LRRC4B: variants seen among roughly 807,000 people sequenced by gnomAD.
LRRC4B encodes the protein leucine-rich repeat-containing protein 4B.
A neutral mutation model predicts 7.3 loss-of-function variants in LRRC4B; 1 was observed. The ratio of observed to expected loss-of-function variants is 0.14; its 90% CI spans 0.05 to 0.65. The LOEUF (loss-of-function observed/expected upper bound fraction) is 0.65, where lower values mean the gene tolerates loss of function less well. Among genes scored for constraint, LRRC4B ranks in the 30% least tolerant of loss-of-function variants. The pLI, the probability that LRRC4B is intolerant of heterozygous loss-of-function variation, is 0.84. For missense variants in LRRC4B, 730 were observed against 1,041.6 expected (o/e 0.70, Z 4.12); for synonymous variants, 500 against 499.2 (o/e 1.00, Z -0.02).
intron 2 of LRRC4B, among the ~76,000 whole-genome samples, chr19:50,527,239 A>G (rs1375153785): frequency 1.3e-5 from 2 of 150,000 alleles, no homozygotes; most frequent in East Asian, 4.0e-4. Context: ...TCACTGTGTT[A>G]GCCAGGACGG....
At chr19:50,558,659 G>T (rs8100164) in intron 1 of LRRC4B, among the ~76,000 whole-genome samples, 33,207 of 152,266 alleles carry the variant, frequency 0.22, 4,386 homozygotes, top group Admixed American at 0.37. Context: ...ATGTCGAGAA[G>T]GAGCAGGGAC....
At chr19:50,550,978 C>A (rs997885389) in intron 1 of LRRC4B, 1 of 152,216 alleles carries the variant, frequency 6.6e-6, no homozygotes, top group Non-Finnish European at 1.5e-5. Flanking sequence ...CCCCGCAGGG[C>A]CTGTGGGAGC....
intron 1 of LRRC4B, among the ~76,000 whole-genome samples, chr19:50,558,232 C>T (rs1356072956): frequency 2.0e-5 from 3 of 147,540 alleles, no homozygotes; most frequent in Non-Finnish European, 4.5e-5. Flanking sequence ...CACACATACA[C>T]ACACACATAC....
At chr19:50,561,180 C>T (rs1311740267) in intron 1 of LRRC4B, among the ~76,000 whole-genome samples, 1 of 152,122 alleles carries the variant, frequency 6.6e-6, no homozygotes, top group Non-Finnish European at 1.5e-5. Context: ...CACCCAACCC[C>T]GCCACTTCTC....
intron 2 of LRRC4B, among the ~76,000 whole-genome samples, chr19:50,535,539 G>A (rs952764265): frequency 3.9e-5 from 6 of 152,184 alleles, no homozygotes; most frequent in Non-Finnish European, 8.8e-5. Context: ...GTTTGTGTGT[G>A]TGTGTTAATT....
chr19:50,559,624 G>C (rs1044818407), intron 1 of LRRC4B, among the ~76,000 whole-genome samples: 1 of 152,362 alleles, frequency 6.6e-6, no homozygotes, highest in African/African-American at 2.4e-5. Context: ...CGAGTTTGCA[G>C]GTTGGGAGGG....
intron 2 of LRRC4B, among the ~76,000 whole-genome samples, chr19:50,524,142 G>A (rs114295090): frequency 1.1e-4 from 17 of 152,146 alleles, no homozygotes; most frequent in African/African-American, 4.1e-4. Context: ...GGCAAACAGC[G>A]TAAGAAATGG....
Position 50,548,580 on chromosome 19 carries a change from T to C in LRRC4B, c.259A>G (p.Asn87Asp). The stretch of plus-strand genomic sequence containing the variant: ...TCTTGCAGGTTCAGGTACCGCGTGT[T>C]GACCGGGATGCTGGCTGGGACCTCG... ...LAEVPASIPV[N>D]TRYLNLQENG... The change falls in exon 2 of 3, where the codon AAC becomes GAC. Residue 87 changes from asparagine (N) to aspartate (D), a missense_variant. Physicochemically the swap from Asn to Asp is conservative, Grantham distance 23. Coordinates refer to ENST00000652263, the MANE Select transcript of LRRC4B (RefSeq NM_001080457.2). The surrounding 1 kb of genome is among the most constrained non-coding windows in gnomAD (Gnocchi z 6.8). 1 of 1,602,812 alleles carries C rather than the reference T, an allele frequency of 6.2e-7. No homozygotes were observed. Among genetic ancestry groups the C allele is most frequent in the Non-Finnish European group, 8.5e-7 (1 of 1,178,574 alleles).
intron 1 of LRRC4B, among the ~76,000 whole-genome samples, chr19:50,552,730 G>A (rs1046203952): frequency 2.5e-5 from 3 of 121,550 alleles, no homozygotes; most frequent in South Asian, 2.7e-4. Flanking sequence ...CTATCCATCC[G>A]TCCTTCCATC....
intron 2 of LRRC4B, among the ~76,000 whole-genome samples, chr19:50,533,197 T>G (rs2122831839): frequency 6.6e-6 from 1 of 152,344 alleles, no homozygotes; most frequent in Admixed American, 6.5e-5. Context: ...AAATTCTTCC[T>G]ATAATGTTAT....
At chr19:50,559,736 A>G (rs762228821) in intron 1 of LRRC4B, among the ~76,000 whole-genome samples, 5 of 152,264 alleles carry the variant, frequency 3.3e-5, no homozygotes, top group Non-Finnish European at 7.3e-5. Context: ...TTTGTTTACA[A>G]CAAAAGGGTG....
At chr19:50,554,078 C>T (rs915529128) in intron 1 of LRRC4B, among the ~76,000 whole-genome samples, 1 of 151,002 alleles carries the variant, frequency 6.6e-6, no homozygotes, top group African/African-American at 2.4e-5. Context: ...ATGGCAACCT[C>T]TACCTCCTGG....
In LRRC4B at chr19:50,518,060, C is replaced by T; in HGVS notation, c.1653G>A (p.Lys551=). The change falls in exon 3 of 3, where the codon AAG becomes AAA. Residue 551 remains lysine, a synonymous_variant. Coordinates refer to ENST00000652263, the MANE Select transcript of LRRC4B (RefSeq NM_001080457.2). The stretch of plus-strand genomic sequence containing the variant: ...CATCCGTGATGGGCACCGTGAACGC[C>T]TTCTCCGTGGGCCGCGAGGAGCGCG... ...PAPRSSRPTE[K]AFTVPITDVT... is the part of the protein sequence containing the mutation. 1 of 1,586,216 alleles carries T rather than the reference C, an allele frequency of 6.3e-7. No individual in the cohort carries two copies. The highest frequency in any genetic ancestry group is 8.6e-7 in the Non-Finnish European group (1 of 1,169,184).
chr19:50,522,107 G>A (rs1363816524), intron 2 of LRRC4B, among the ~76,000 whole-genome samples: 1 of 152,158 alleles, frequency 6.6e-6, no homozygotes, highest in Admixed American at 6.6e-5. Flanking sequence ...GAGCCCAGGA[G>A]GCCAAGGCTG....
At chr19:50,541,408 T>C (rs1483221442) in intron 2 of LRRC4B, among the ~76,000 whole-genome samples, 4 of 143,318 alleles carry the variant, frequency 2.8e-5, no homozygotes, top group South Asian at 4.5e-4. Context: ...CAATGCACCA[T>C]AAATGTAATG....
At chr19:50,536,710 A>G (rs1026066865) in intron 2 of LRRC4B, among the ~76,000 whole-genome samples, 6 of 152,198 alleles carry the variant, frequency 3.9e-5, no homozygotes, top group Non-Finnish European at 7.3e-5. Context: ...TGTGAGGATT[A>G]AACTGTCTCG....
chr19:50,562,434 G>C (rs1279871879), intron 1 of LRRC4B, among the ~76,000 whole-genome samples: 1 of 152,242 alleles, frequency 6.6e-6, no homozygotes, highest in Non-Finnish European at 1.5e-5. Flanking sequence ...AGCCTGGCTC[G>C]TGGCATGCTC....
At chr19:50,544,464 G>A (rs530010042) in intron 2 of LRRC4B, among the ~76,000 whole-genome samples, 78 of 150,230 alleles carry the variant, frequency 5.2e-4, no homozygotes, top group African/African-American at 1.6e-3. Context: ...CCGAGATCAC[G>A]CCACTGCACT....
chr19:50,566,708 G>A (rs895632967), intron 1 of LRRC4B, among the ~76,000 whole-genome samples: 2 of 151,758 alleles, frequency 1.3e-5, no homozygotes, highest in East Asian at 2.0e-4. Context: ...CTGAGAGCCC[G>A]GGATTGATGG....
Sources: gnomAD v4.1 joint callset for allele counts (sites outside exome capture counted in the v4.1 genomes callset) on GRCh38, gnomAD v4.1.1 for gene constraint, Gnocchi (gnomAD v3.1) non-coding constraint, MANE v1.5 for transcripts, NCBI Gene and HGNC (gene_info 2026-07-23, HGNC 2026-07-21) for gene names.